The following EPN2 variants were observed in gnomAD, a reference collection of about 807,000 sequenced individuals.
The protein encoded by EPN2 is epsin 2.
A neutral mutation model predicts 61.7 loss-of-function variants in EPN2; 34 were observed. The observed-to-expected ratio is 0.55, with a 90% confidence interval of 0.42 to 0.73. The LOEUF (loss-of-function observed/expected upper bound fraction) is 0.73, where lower values mean the gene tolerates loss of function less well. Among genes scored for constraint, EPN2 ranks in the 30% least tolerant of loss-of-function variants. The probability of loss-of-function intolerance (pLI) is 0.00; values close to 1 mark genes in which losing one functional copy is unlikely to be tolerated. For synonymous variants in EPN2, 349 were observed against 353.6 expected (o/e 0.99, Z 0.15); for missense variants, 714 against 839.2 (o/e 0.85, Z 1.84).
chr17:19,260,796 T>C (rs2045133112), intron 1 of EPN2, among the ~76,000 whole-genome samples: 1 of 152,142 alleles, frequency 6.6e-6, no homozygotes, highest in Non-Finnish European at 1.5e-5. Context: ...CCTTCTAGTT[T>C]TTCTTAATGC....
chr17:19,322,817 C>T lies in EPN2; in HGVS notation c.1148-5894C>T, dbSNP rs79314218. Among the ~76,000 whole-genome samples the T allele has an allele frequency of 8.1e-4, 123 of 151,574 alleles. 1 individual carries two copies. In the East Asian group the frequency reaches 0.022, roughly 27 times the overall value. Reference sequence around the variant, plus strand: ...CTAAAGCTATTCAGCATTTCAGAGACGAGAAGGCATGAAGCTACATGTAGG... The same window carrying T: ...CTAAAGCTATTCAGCATTTCAGAGATGAGAAGGCATGAAGCTACATGTAGG... On this transcript the variant is annotated intron_variant, in intron 7 of 10. Transcript: ENST00000314728.
chr17:19,329,645 C>A lies in EPN2; in HGVS notation c.1409C>A (p.Thr470Lys). The change falls in exon 9 of 11, where the codon ACA (threonine) becomes AAA (lysine). Residue 470 changes from threonine (T) to lysine (K), a missense_variant and splice_region_variant. By Grantham distance (78) the Thr-to-Lys change is moderately conservative (BLOSUM62 -1). Around this residue, in one of 2 missense-constraint regions of EPN2, gnomAD observed 410 missense variants for 421.8 expected, o/e 0.97. Coordinates refer to ENST00000314728, the MANE Select transcript of EPN2 (RefSeq NM_014964.5). Reference sequence around the variant, plus strand: ...GACAACCTTCGGACTTCAAAAAAAACAGGTATGTACAGGTGATGATGGTTT... The same window carrying A: ...GACAACCTTCGGACTTCAAAAAAAAAAGGTATGTACAGGTGATGATGGTTT... ...EFDNLRTSKK[T>K]AESVTSLPSQ... 1.3e-6 allele frequency: 2 copies of A among 1,558,674 alleles called. No individual in the cohort carries two copies. Among genetic ancestry groups the A allele is most frequent in the Non-Finnish European group, 1.8e-6 (2 of 1,130,034 alleles).
chr17:19,310,128 T>A, intron 5 of EPN2, 131 bp downstream of exon 5: 1 of 678,354 alleles, frequency 1.5e-6, no homozygotes, highest in Admixed American at 2.1e-5. Context: ...GAGATGGCAT[T>A]TCATGCTGCC....
In EPN2 at chr17:19,332,042, A is replaced by C. The variant is rs1461270772; in HGVS notation, c.1601A>C (p.Gln534Pro). The change falls in exon 10 of 11, where the codon CAG becomes CCG. Residue 534 changes from glutamine to proline, a missense_variant. Physicochemically the swap from Gln to Pro is moderately conservative, Grantham distance 76. This residue lies in a region of EPN2 where 410 missense variants were observed against 421.8 expected (regional missense o/e 0.97). Coordinates refer to ENST00000314728, the MANE Select transcript of EPN2 (RefSeq NM_014964.5). ...GTGACCAGGCCTGCCCCACCAGCCC[A>C]GTCCCTCAACCCTTTCCTGGCACCA... ...SLVTRPAPPA[Q>P]SLNPFLAPGA... 2 of 1,612,056 alleles carry C rather than the reference A, an allele frequency of 1.2e-6. No individual in the cohort carries two copies. The highest frequency in any genetic ancestry group is 1.3e-5 in the African/African-American group (1 of 74,986).
At chr17:19,271,340 C>T (rs1232266534) in intron 1 of EPN2, among the ~76,000 whole-genome samples, 1 of 152,076 alleles carries the variant, frequency 6.6e-6, no homozygotes, top group African/African-American at 2.4e-5. Context: ...AGGAAGGACG[C>T]TGGGTGGGGG....
At chr17:19,249,188 T>C (rs865868798) in intron 1 of EPN2, among the ~76,000 whole-genome samples, 2 of 152,196 alleles carry the variant, frequency 1.3e-5, no homozygotes, top group Non-Finnish European at 1.5e-5. Flanking sequence ...AGAGCATCTC[T>C]GTGCTGGTGA....
At chr17:19,313,534 G>A (rs1029214136) in intron 7 of EPN2, 3 of 405,468 alleles carry the variant, frequency 7.4e-6, no homozygotes, top group Non-Finnish European at 1.3e-5. Context: ...CCTCCCATTT[G>A]CATCAGAAAT....
intron 1 of EPN2, among the ~76,000 whole-genome samples, chr17:19,268,073 G>T (rs1200923185): frequency 6.6e-6 from 1 of 152,204 alleles, no homozygotes; most frequent in Non-Finnish European, 1.5e-5. Flanking sequence ...AGTGGCAGGT[G>T]TGTCTCCCTG....
Position 19,335,480 on chromosome 17 carries a change from T to G in EPN2, c.*1226T>G, listed in dbSNP as rs1345153750. 2 of 1,549,210 alleles carry G rather than the reference T, an allele frequency of 1.3e-6. No homozygotes were observed. The highest frequency in any genetic ancestry group is 3.9e-5 in the Admixed American group (2 of 50,826). On this transcript the variant is annotated 3_prime_UTR_variant, in exon 11 of 11. Transcript: ENST00000314728. ...AGAAACATCTTTAACCTTGTGTGTC[T>G]GTGATCTCCTCTGTCTTAATCCACG...
intron 1 of EPN2, among the ~76,000 whole-genome samples, chr17:19,265,769 C>T (rs972878156): frequency 6.6e-6 from 1 of 152,242 alleles, no homozygotes; most frequent in African/African-American, 2.4e-5. Flanking sequence ...CTCCTCCAGG[C>T]CTGTCCTGCC....
Position 19,293,287 on chromosome 17 carries a change from G to A in EPN2, c.766+7497G>A, listed in dbSNP as rs116926798. On this transcript the variant is annotated intron_variant, in intron 4 of 10. Coordinates refer to ENST00000314728, the MANE Select transcript of EPN2 (RefSeq NM_014964.5). ...CCCAGCTACTCAGGAGGCAGAGGTG[G>A]GAGATTCGCTTGAACCTGAGAGGCA... Among the ~76,000 whole-genome samples, 970 of 151,640 alleles carry A rather than the reference G, an allele frequency of 6.4e-3. 53 individuals carry two copies. The East Asian group carries it at 0.12, about 18-fold the overall frequency.
Position 19,282,984 on chromosome 17 carries a change from A to G in EPN2, c.-136A>G. The G allele has an allele frequency of 1.5e-6, 1 of 654,026 alleles. No individual in the cohort carries two copies. Among genetic ancestry groups the G allele is most frequent in the Non-Finnish European group, 2.6e-6 (1 of 387,236 alleles). The allele number at this position is 654,026 out of a possible 1,614,324, so 40.5% of individuals were successfully genotyped here. A position where few individuals can be genotyped will look rare whatever the true frequency, so the allele number is the denominator to read the frequency against. On this transcript the variant is annotated 5_prime_UTR_variant, in exon 3 of 11. Transcript: ENST00000314728. Reference sequence around the variant, plus strand: ...TCCAGCTTTTCGAATCTGAGGCTCCAAAGGAGGAAATGACCATTCAGGGAT... The same window carrying G: ...TCCAGCTTTTCGAATCTGAGGCTCCGAAGGAGGAAATGACCATTCAGGGAT...
At chr17:19,253,948 A>G (rs1399873609) in intron 1 of EPN2, among the ~76,000 whole-genome samples, 1 of 152,076 alleles carries the variant, frequency 6.6e-6, no homozygotes, top group African/African-American at 2.4e-5. Context: ...CTTGGCCAAC[A>G]TGGTGAAAAC....
intron 1 of EPN2, among the ~76,000 whole-genome samples, chr17:19,264,387 C>T (rs2045174595): frequency 6.6e-6 from 1 of 152,126 alleles, no homozygotes; most frequent in Non-Finnish European, 1.5e-5. Context: ...GTCAAAGGAC[C>T]AGTGGGACCT....
At chr17:19,289,531 G>A (rs1277701554) in intron 4 of EPN2, among the ~76,000 whole-genome samples, 1 of 152,044 alleles carries the variant, frequency 6.6e-6, no homozygotes, top group Non-Finnish European at 1.5e-5. Context: ...GGCTGTGGGT[G>A]CAGTAGGTTA....
At chr17:19,301,177 A>G (rs1269697124) in intron 4 of EPN2, among the ~76,000 whole-genome samples, 2 of 152,016 alleles carry the variant, frequency 1.3e-5, no homozygotes, top group African/African-American at 4.8e-5. Flanking sequence ...CTCTGCCTCC[A>G]TGGTCCCATG....
chr17:19,258,687 A>G (rs1306091070), intron 1 of EPN2, among the ~76,000 whole-genome samples: 8 of 152,198 alleles, frequency 5.3e-5, no homozygotes, highest in African/African-American at 1.9e-4. Context: ...GCCAGTGTCT[A>G]GTAATTTCCT....
At chr17:19,243,606 G>T (rs2044911408) in intron 1 of EPN2, among the ~76,000 whole-genome samples, 1 of 151,944 alleles carries the variant, frequency 6.6e-6, no homozygotes, top group Non-Finnish European at 1.5e-5. Flanking sequence ...TGTTAGCCAG[G>T]ATGGTCTCGA....
intron 4 of EPN2, chr17:19,306,221 G>A (rs948988555): frequency 6.6e-6 from 1 of 152,264 alleles, no homozygotes; most frequent in Non-Finnish European, 1.5e-5. Context: ...AGGCTCAGGT[G>A]GTCAGAAGGG....
Sources: gnomAD v4.1 joint callset for allele counts (sites outside exome capture counted in the v4.1 genomes callset) on GRCh38, gnomAD v4.1.1 for gene constraint, gnomAD v4.1.1 regional missense constraint, MANE v1.5 for transcripts, NCBI Gene and HGNC (gene_info 2026-07-23, HGNC 2026-07-21) for gene names.